The following PDE10A variants were observed in gnomAD, a reference collection of about 807,000 sequenced individuals.
PDE10A encodes the protein cAMP and cAMP-inhibited cGMP 3',5'-cyclic phosphodiesterase 10A.
A neutral mutation model predicts 97.7 loss-of-function variants in PDE10A; 39 were observed. The observed-to-expected ratio is 0.40, with a 90% CI of 0.31 to 0.52. The LOEUF is 0.52. Among genes scored for constraint, PDE10A ranks in the 20% least tolerant of loss-of-function variants. The pLI is 0.56. For synonymous variants in PDE10A, 371 were observed against 376.8 expected, an observed-to-expected ratio of 0.98 and a Z score of 0.18; for missense variants, 731 against 1,047.8, an observed-to-expected ratio of 0.70 and a Z score of 4.17.
intron 1 of PDE10A, among the ~76,000 whole-genome samples, chr6:165,841,190 T>A (rs992240877): frequency 6.6e-6 from 1 of 152,230 alleles, no homozygotes; most frequent in Non-Finnish European, 1.5e-5. Flanking sequence ...CCCAGTTTAA[T>A]CTTGTTTGTC....
intron 1 of PDE10A, among the ~76,000 whole-genome samples, chr6:165,565,420 C>T (rs544045525): frequency 6.6e-6 from 1 of 152,042 alleles, no homozygotes; most frequent in East Asian, 1.9e-4. Context: ...ATGAGAAAAG[C>T]TACAAAACTC....
chr6:165,466,616 C>T (rs1420053595), intron 3 of PDE10A, among the ~76,000 whole-genome samples: 3 of 152,200 alleles, frequency 2.0e-5, no homozygotes, highest in African/African-American at 4.8e-5. Flanking sequence ...GTAATTCTCA[C>T]TGTATTTCAA....
intron 1 of PDE10A, among the ~76,000 whole-genome samples, chr6:165,936,702 T>C (rs138716382): frequency 2.5e-4 from 38 of 152,314 alleles, no homozygotes; most frequent in African/African-American, 8.7e-4. Context: ...TGGTGATTCT[T>C]AAATTTTAAT....
chr6:165,635,472 A>AGTGT (rs60572651), intron 1 of PDE10A, among the ~76,000 whole-genome samples: 69 of 150,956 alleles, frequency 4.6e-4, no homozygotes, highest in South Asian at 8.4e-4. Context: ...GTGGGGTGTG[A>AGTGT]GTGTGTGTGT....
chr6:165,887,547 C>CA (rs34223538), intron 1 of PDE10A, among the ~76,000 whole-genome samples: 38,690 of 152,028 alleles, frequency 0.25, 5,724 homozygotes, highest in African/African-American at 0.41. Flanking sequence ...AGAATTGCCC[C>CA]TGCAGTCCTC....
chr6:165,348,902 G>A (rs1782497612), intron 18 of PDE10A, among the ~76,000 whole-genome samples: 1 of 152,154 alleles, frequency 6.6e-6, no homozygotes, highest in African/African-American at 2.4e-5. Context: ...AGAAGGATGT[G>A]TTAGCTTCCC....
Position 165,329,184 on chromosome 6 carries a change from AC to A in PDE10A, c.*3840del, listed in dbSNP as rs888247939. On this transcript the variant is annotated 3_prime_UTR_variant, in exon 22 of 22. Coordinates refer to ENST00000539869, the MANE Select transcript of PDE10A (RefSeq NM_001385079.1). ...TAAAAATCATGCTTAGGTACCTGAA[AC>A]CCCCCAAAATCACATCATAACCAGT... 3 of 152,116 alleles carry A rather than the reference AC, an allele frequency of 2.0e-5. No homozygotes were observed. The highest frequency in any genetic ancestry group is 4.8e-5 in the African/African-American group (2 of 41,410). The allele number at this position is 152,116 out of a possible 1,614,324, so 9.4% of individuals were successfully genotyped here. A position where few individuals can be genotyped will look rare whatever the true frequency, so the allele number is the denominator to read the frequency against.
intron 1 of PDE10A, among the ~76,000 whole-genome samples, chr6:165,950,620 AG>A (rs1455550478): frequency 6.6e-6 from 1 of 152,198 alleles, no homozygotes. Context: ...TGTGCAGACC[AG>A]GTCTGCTCGG....
At chr6:165,477,889 T>C (rs1191516805) in intron 3 of PDE10A, among the ~76,000 whole-genome samples, 4 of 151,976 alleles carry the variant, frequency 2.6e-5, no homozygotes, top group Non-Finnish European at 5.9e-5. Flanking sequence ...ACTTCACTGA[T>C]TTCTCCTTCT....
At chr6:165,601,188 GCCA>G (rs966998314) in intron 1 of PDE10A, among the ~76,000 whole-genome samples, 3 of 152,120 alleles carry the variant, frequency 2.0e-5, no homozygotes, top group Non-Finnish European at 2.9e-5. Context: ...TCCTTTTGCT[GCCA>G]CCATGTAAGA....
chr6:165,574,512 C>T (rs1364359420), intron 1 of PDE10A, among the ~76,000 whole-genome samples: 1 of 152,136 alleles, frequency 6.6e-6, no homozygotes, highest in African/African-American at 2.4e-5. Context: ...AACTATTTCA[C>T]CTCAAAATTA....
rs546721759 is a variant in PDE10A, at chr6:165,557,538, G to A, written c.866-13970C>T. 1.8e-4 allele frequency among the ~76,000 whole-genome samples: 28 copies of A among 152,036 alleles called. 1 individual carries two copies. The highest frequency in any genetic ancestry group is 5.8e-4 in the African/African-American group (24 of 41,504). ...TATTCCTTTCCACTTATCAAAATACGTTTTTTAAAAATCATGATATTCATA... is the reference window on the plus strand; with the variant it reads ...TATTCCTTTCCACTTATCAAAATACATTTTTTAAAAATCATGATATTCATA... On this transcript the variant is annotated intron_variant, in intron 1 of 21. Transcript: ENST00000539869.
intron 1 of PDE10A, among the ~76,000 whole-genome samples, chr6:165,942,065 C>T (rs1282323235): frequency 6.6e-6 from 1 of 152,090 alleles, no homozygotes. Flanking sequence ...GTGACTCTGC[C>T]CCTCAGGCAT....
At chr6:165,523,390 C>T (rs751276938) in intron 2 of PDE10A, among the ~76,000 whole-genome samples, 1 of 152,034 alleles carries the variant, frequency 6.6e-6, no homozygotes, top group Non-Finnish European at 1.5e-5. Flanking sequence ...CTACAGTAAC[C>T]CAAACAGCAC....
chr6:165,615,220 A>AAAAAG (rs547731839), intron 1 of PDE10A, among the ~76,000 whole-genome samples: 16,899 of 148,084 alleles, frequency 0.11, 1,156 homozygotes, highest in Non-Finnish European at 0.16. Flanking sequence ...AGAAAAAAAA[A>AAAAAG]AAAGAAAGAA....
intron 1 of PDE10A, among the ~76,000 whole-genome samples, chr6:165,759,383 T>G (rs1038332296): frequency 6.6e-6 from 1 of 152,192 alleles, no homozygotes; most frequent in Non-Finnish European, 1.5e-5. Flanking sequence ...CTCATCGCTT[T>G]GAGGTGGAAC....
chr6:165,699,990 G>T (rs961813960), intron 1 of PDE10A, among the ~76,000 whole-genome samples: 2 of 151,998 alleles, frequency 1.3e-5, no homozygotes, highest in Non-Finnish European at 2.9e-5. Context: ...GGAAATTAAT[G>T]AAATAGAGAA....
chr6:165,801,499 T>C (rs913434803), intron 1 of PDE10A, among the ~76,000 whole-genome samples: 2 of 152,152 alleles, frequency 1.3e-5, no homozygotes, highest in Admixed American at 6.5e-5. Context: ...GAGCCAAGAT[T>C]GTGCCACTGC....
chr6:165,950,185 A>T (rs1783909211), intron 1 of PDE10A, among the ~76,000 whole-genome samples: 1 of 152,222 alleles, frequency 6.6e-6, no homozygotes, highest in African/African-American at 2.4e-5. Flanking sequence ...TTAAAATAAA[A>T]TTGAATATAT....
Sources: allele counts gnomAD v4.1 joint callset (sites outside exome capture counted in the v4.1 genomes callset), GRCh38; gene constraint gnomAD v4.1.1; transcripts MANE v1.5; gene names NCBI Gene and HGNC (gene_info 2026-07-23, HGNC 2026-07-21).